MAMDC2: variants seen among roughly 807,000 people sequenced by gnomAD.
MAMDC2 encodes the protein MAM domain-containing protein 2.
In MAMDC2, 57 loss-of-function variants were observed where a neutral mutation model predicts 89.8. The observed-to-expected ratio is 0.63, with a 90% CI of 0.51 to 0.79. The LOEUF (loss-of-function observed/expected upper bound fraction) is 0.79. Among genes scored for constraint, MAMDC2 ranks in the 30% least tolerant of loss-of-function variants. The probability of loss-of-function intolerance (pLI) is 0.00; values close to 1 mark genes in which losing one functional copy is unlikely to be tolerated. For synonymous variants in MAMDC2, 313 were observed against 293.4 expected, an observed-to-expected ratio of 1.07 and a Z score of -0.68; for missense variants, 800 against 820.6, an observed-to-expected ratio of 0.97 and a Z score of 0.31.
intron 9 of MAMDC2, among the ~76,000 whole-genome samples, chr9:70,158,437 TTA>T (rs908016679): frequency 6.6e-6 from 1 of 151,636 alleles, no homozygotes; most frequent in Non-Finnish European, 1.5e-5. Context: ...ATATACCCAT[TTA>T]TATATATACA....
intron 6 of MAMDC2, 57 bp downstream of exon 6, chr9:70,126,472 C>T (rs2030556808): frequency 6.4e-7 from 1 of 1,552,688 alleles, no homozygotes. Context: ...ATGCCACCCA[C>T]ACACAGGGCT....
intron 2 of MAMDC2, chr9:70,092,250 C>T (rs1827918383): frequency 6.6e-6 from 1 of 152,076 alleles, no homozygotes; most frequent in Non-Finnish European, 1.5e-5. Flanking sequence ...ATTAGAATCA[C>T]CTGGGGAGGT....
rs1028853066 is a variant in MAMDC2 at position 70,102,894 on chromosome 9, T to C, written c.149-5317T>C. 2.6e-5 allele frequency among the ~76,000 whole-genome samples: 4 copies of C among 152,248 alleles called. No homozygotes were observed. In the East Asian group the frequency reaches 5.8e-4, roughly 22 times the overall value. On this transcript the variant is annotated intron_variant, in intron 2 of 13. Coordinates refer to ENST00000377182, the MANE Select transcript of MAMDC2 (RefSeq NM_153267.5). ...AATCTCCCCCAGATCCCTGGCCTGA[T>C]GCATCACAGTCAACCTCCCAATCCC...
intron 7 of MAMDC2, among the ~76,000 whole-genome samples, chr9:70,138,306 C>T (rs759462697): frequency 5.9e-5 from 9 of 152,150 alleles, no homozygotes; most frequent in East Asian, 1.9e-4. Flanking sequence ...TTCAGTCATC[C>T]GCTGATGGGC....
intron 9 of MAMDC2, among the ~76,000 whole-genome samples, chr9:70,165,402 A>G (rs1927124): frequency 0.86 from 130,386 of 152,182 alleles, 56,095 homozygotes; most frequent in East Asian, 0.96. Flanking sequence ...AGATCAAACA[A>G]GCTGATCTGG....
intron 2 of MAMDC2, among the ~76,000 whole-genome samples, chr9:70,080,809 A>C (rs1239980864): frequency 6.6e-6 from 1 of 152,206 alleles, no homozygotes; most frequent in Non-Finnish European, 1.5e-5. Context: ...ATCCCCAAAC[A>C]GGTCTAGTTC....
At chr9:70,130,939 A>G (rs1198730556) in intron 6 of MAMDC2, among the ~76,000 whole-genome samples, 1 of 152,212 alleles carries the variant, frequency 6.6e-6, no homozygotes, top group Non-Finnish European at 1.5e-5. Context: ...GGGCATATCC[A>G]TCAATAAAAG....
intron 8 of MAMDC2, 106 bp downstream of exon 8, chr9:70,140,394 G>C: frequency 8.0e-7 from 1 of 1,249,070 alleles, no homozygotes; most frequent in Non-Finnish European, 1.1e-6. Context: ...AAAAAAGGCA[G>C]CTGTGAAGAA....
rs1197730850 is a variant in MAMDC2 at position 70,226,619 on chromosome 9, AG to A, written c.*590del. On this transcript the variant is annotated 3_prime_UTR_variant, in exon 14 of 14. Coordinates refer to ENST00000377182, the MANE Select transcript of MAMDC2 (RefSeq NM_153267.5). ...ACAAAGGATCTTTCATGAATGTCCAAGGGTAAGTCAGTATTAATTAATGCTG... is the reference window on the plus strand; with the variant it reads ...ACAAAGGATCTTTCATGAATGTCCAAGGTAAGTCAGTATTAATTAATGCTG... 1.3e-5 allele frequency: 2 copies of A among 152,568 alleles called. No homozygotes were observed. The highest frequency in any genetic ancestry group is 2.9e-5 in the Non-Finnish European group (2 of 67,980). 9.5% of individuals were successfully genotyped at this position (152,568 alleles called of 1,614,324 possible).
intron 2 of MAMDC2, among the ~76,000 whole-genome samples, chr9:70,084,470 T>C (rs750904915): frequency 2.2e-4 from 34 of 152,246 alleles, no homozygotes; most frequent in Middle Eastern, 3.4e-3. Context: ...CACGTCATCA[T>C]GCCATGGGCT....
At chr9:70,197,653 C>A (rs2032999106) in intron 11 of MAMDC2, among the ~76,000 whole-genome samples, 2 of 152,116 alleles carry the variant, frequency 1.3e-5, no homozygotes, top group African/African-American at 2.4e-5. Context: ...TGTGGCAACA[C>A]TTTAATGAGT....
At chr9:70,059,619 T>C (rs966858570) in intron 2 of MAMDC2, among the ~76,000 whole-genome samples, 3 of 152,204 alleles carry the variant, frequency 2.0e-5, no homozygotes, top group African/African-American at 7.2e-5. Context: ...TGTTCCACAG[T>C]TCAAAGACAG....
chr9:70,186,022 G>A (rs530178803), intron 11 of MAMDC2, among the ~76,000 whole-genome samples: 113 of 152,168 alleles, frequency 7.4e-4, no homozygotes, highest in African/African-American at 2.6e-3. Context: ...TTCAATATAC[G>A]CTTTTTGTTG....
Position 70,108,299 on chromosome 9 carries a change from C to T in MAMDC2, c.237C>T (p.Ser79=). The T allele has an allele frequency of 6.2e-7, 1 of 1,614,094 alleles. No individual in the cohort carries two copies. The highest frequency in any genetic ancestry group is 8.5e-7 in the Non-Finnish European group (1 of 1,179,974). Reference sequence around the variant, plus strand: ...CTGACTTACAGGCTGAGGAATGGAGCTGCCTCCGTTTGGTCTACCAGATAA... The same window carrying T: ...CTGACTTACAGGCTGAGGAATGGAGTTGCCTCCGTTTGGTCTACCAGATAA... ...LSPDLQAEEW[S]CLRLVYQITT... is the part of the protein sequence containing the mutation. The change falls in exon 3 of 14, where the codon AGC becomes AGT. Residue 79 remains serine (S), a synonymous_variant. Coordinates refer to ENST00000377182, the MANE Select transcript of MAMDC2 (RefSeq NM_153267.5).
At chr9:70,058,581 T>A (rs1009920670) in intron 2 of MAMDC2, among the ~76,000 whole-genome samples, 2 of 152,116 alleles carry the variant, frequency 1.3e-5, no homozygotes, top group African/African-American at 4.8e-5. Context: ...TTGAGACAGG[T>A]GAGGCAGACA....
intron 9 of MAMDC2, among the ~76,000 whole-genome samples, chr9:70,150,530 A>C (rs893352214): frequency 6.6e-6 from 1 of 152,236 alleles, no homozygotes; most frequent in Non-Finnish European, 1.5e-5. Flanking sequence ...CTGGCTGTTT[A>C]TCAAGTACCT....
chr9:70,224,009 CA>C (rs1266758440), intron 12 of MAMDC2, among the ~76,000 whole-genome samples: 3 of 152,088 alleles, frequency 2.0e-5, no homozygotes, highest in African/African-American at 7.2e-5. Context: ...ATAATTCCTT[CA>C]GGTAATTTTA....
At chr9:70,062,055 C>T (rs2118037156) in intron 2 of MAMDC2, among the ~76,000 whole-genome samples, 1 of 152,326 alleles carries the variant, frequency 6.6e-6, no homozygotes, top group Admixed American at 6.5e-5. Context: ...CCAGCCTGAG[C>T]AGCAGTCTAC....
chr9:70,108,564 T>TGGAG, intron 3 of MAMDC2, 82 bp downstream of exon 3: 1 of 1,263,064 alleles, frequency 7.9e-7, no homozygotes, highest in Non-Finnish European at 1.1e-6. Flanking sequence ...ACTTCTGACA[T>TGGAG]GGAGGTTAGT....
Sources: gnomAD v4.1 joint callset for allele counts (sites outside exome capture counted in the v4.1 genomes callset) on GRCh38, gnomAD v4.1.1 for gene constraint, MANE v1.5 for transcripts, NCBI Gene and HGNC (gene_info 2026-07-23, HGNC 2026-07-21) for gene names.